Variants in LIFR observed in about 807,000 individuals in gnomAD.
LIFR encodes the protein leukemia inhibitory factor receptor.
In LIFR, 84 loss-of-function variants were observed where a neutral mutation model predicts 122.2. The ratio of observed to expected loss-of-function variants is 0.69; its 90% CI spans 0.58 to 0.82. The LOEUF (loss-of-function observed/expected upper bound fraction) is 0.82. LIFR is among the 40% of genes least tolerant of loss of function. The pLI, the probability that LIFR is intolerant of heterozygous loss-of-function variation, is 0.00. For missense variants in LIFR, 1,294 were observed against 1,311.6 expected (o/e 0.99, Z 0.21); for synonymous variants, 422 against 434.7 (o/e 0.97, Z 0.36).
chr5:38,549,268 C>CACACAA (rs1561199386), intron 1 of LIFR, among the ~76,000 whole-genome samples: 1 of 151,850 alleles, frequency 6.6e-6, no homozygotes, highest in African/African-American at 2.4e-5. Flanking sequence ...CACACACACA[C>CACACAA]ACACACACAC....
chr5:38,493,921 T>G, intron 13 of LIFR, 136 bp from the exon 14 acceptor site: 2 of 727,728 alleles, frequency 2.7e-6, no homozygotes. Flanking sequence ...TAGATAAACC[T>G]AGAGCAAAGA....
intron 1 of LIFR, among the ~76,000 whole-genome samples, chr5:38,531,510 T>C (rs1747006439): frequency 6.6e-6 from 1 of 151,420 alleles, no homozygotes; most frequent in Non-Finnish European, 1.5e-5. Context: ...CCTAAAAAAC[T>C]CTAAATAGTG....
At chr5:38,504,973 G>A (rs964040602) in intron 9 of LIFR, among the ~76,000 whole-genome samples, 9 of 152,272 alleles carry the variant, frequency 5.9e-5, no homozygotes, top group Middle Eastern at 6.8e-3. Flanking sequence ...GGTCTAGGCC[G>A]TTGCTCAGTG....
chr5:38,479,001 A>C lies in LIFR; in HGVS notation c.*2594T>G, dbSNP rs184251886. Reference sequence around the variant, plus strand: ...CAGTATGAGACCACCTTGTAAATGCAGGCATGCAACCTTCATTGACAAACA... The same window carrying C: ...CAGTATGAGACCACCTTGTAAATGCCGGCATGCAACCTTCATTGACAAACA... On this transcript the variant is annotated 3_prime_UTR_variant, in exon 20 of 20. Coordinates refer to ENST00000453190, the MANE Select transcript of LIFR (RefSeq NM_001127671.2). 1.6e-3 allele frequency: 359 copies of C among 231,324 alleles called. 3 individuals carry two copies. The highest frequency in any genetic ancestry group is 7.7e-3 in the African/African-American group (349 of 45,366). 14.3% of individuals were successfully genotyped at this position (231,324 alleles called of 1,614,324 possible).
At chr5:38,485,678 C>G (rs1228263562) in intron 17 of LIFR, 141 bp downstream of exon 17, 9 of 846,304 alleles carry the variant, frequency 1.1e-5, no homozygotes, top group Admixed American at 4.2e-5. Context: ...CTTTTTAACC[C>G]TTCCCTCTAC....
At chr5:38,510,376 C>G in intron 7 of LIFR, 88 bp downstream of exon 7, 5 of 1,154,838 alleles carry the variant, frequency 4.3e-6, no homozygotes, top group Non-Finnish European at 6.3e-6. Flanking sequence ...AATCACTCCT[C>G]CCACCCCCCC....
intron 12 of LIFR, among the ~76,000 whole-genome samples, chr5:38,498,083 G>C (rs1256941774): frequency 6.6e-6 from 1 of 152,046 alleles, no homozygotes; most frequent in Non-Finnish European, 1.5e-5. Context: ...CCAATGTATG[G>C]GGCTCTCTGG....
chr5:38,585,614 A>G (rs1373656337), intron 1 of LIFR, among the ~76,000 whole-genome samples: 1 of 152,162 alleles, frequency 6.6e-6, no homozygotes, highest in African/African-American at 2.4e-5. Context: ...GCAAAACAGG[A>G]TGTGTGTCAA....
intron 1 of LIFR, among the ~76,000 whole-genome samples, chr5:38,539,770 G>A (rs1372313918): frequency 1.3e-5 from 2 of 151,890 alleles, no homozygotes; most frequent in Non-Finnish European, 2.9e-5. Flanking sequence ...TTCTATCTAG[G>A]TAACAAGCTG....
chr5:38,485,321 A>G (rs187552825), intron 17 of LIFR, among the ~76,000 whole-genome samples: 234 of 152,326 alleles, frequency 1.5e-3, no homozygotes, highest in African/African-American at 5.2e-3. Context: ...GGCTCTTTAT[A>G]TAAGAGCTGT....
chr5:38,486,846 G>C (rs1295596402), intron 16 of LIFR, among the ~76,000 whole-genome samples: 1 of 152,146 alleles, frequency 6.6e-6, no homozygotes, highest in African/African-American at 2.4e-5. Context: ...AGAAACATCG[G>C]AACTTTTGAT....
chr5:38,540,414 C>G (rs1747528910), intron 1 of LIFR, among the ~76,000 whole-genome samples: 1 of 152,192 alleles, frequency 6.6e-6, no homozygotes, highest in Non-Finnish European at 1.5e-5. Context: ...CACATTATAA[C>G]AAAGATCAGA....
In LIFR at chr5:38,496,417, G is replaced by C; in HGVS notation, c.1850C>G (p.Pro617Arg). 1 of 1,613,952 alleles carries C rather than the reference G, an allele frequency of 6.2e-7. No individual in the cohort carries two copies. The change falls in exon 13 of 20, where the codon CCA becomes CGA. Residue 617 changes from proline (P) to arginine (R), a missense_variant. Transcript: ENST00000453190. Reference protein sequence around the residue: ...VVAKNSVGSSPPSKIASMEIP... With the variant: ...VVAKNSVGSSRPSKIASMEIP... ...TTCCATACTCGCTATTTTGGAAGGT[G>C]GTGATGAGCCCACAGAATTTTTAGC...
intron 1 of LIFR, among the ~76,000 whole-genome samples, 151 bp downstream of exon 1, chr5:38,556,183 C>T (rs1748524097): frequency 6.6e-6 from 1 of 151,910 alleles, no homozygotes; most frequent in African/African-American, 2.4e-5. Context: ...AGCGGCGGGA[C>T]CCGGAGCGGC....
Position 38,605,828 on chromosome 5 carries a change from C to T in LIFR, n.305+377G>A, listed in dbSNP as rs182674744. Among the ~76,000 whole-genome samples the T allele has an allele frequency of 2.0e-5, 3 of 152,270 alleles. No individual in the cohort carries two copies. The East Asian group carries it at 5.8e-4, about 29-fold the overall frequency. ...CTCTTACCAACCCATGACCTGGAAT[C>T]CCTCTCCTCGCTTGGAGTTGTCCCG... is the stretch of plus-strand genomic sequence containing the variant. On this transcript the variant is annotated intron_variant and non_coding_transcript_variant, in intron 2 of 3. Transcript: ENST00000507786.
At chr5:38,561,357 G>A (rs1748831857), upstream of LIFR, among the ~76,000 whole-genome samples, 1 of 152,124 alleles carries the variant, frequency 6.6e-6, no homozygotes, top group Admixed American at 6.5e-5. Flanking sequence ...GTTTTCCCTA[G>A]CCTTTGAAGT....
chr5:38,555,853 A>G (rs1351206257), intron 1 of LIFR, among the ~76,000 whole-genome samples: 1 of 152,196 alleles, frequency 6.6e-6, no homozygotes, highest in African/African-American at 2.4e-5. Context: ...CATCTTTCAC[A>G]AAGCCTAACT....
exon 2 of LIFR, chr5:38,606,304 G>A (rs1750327720): frequency 6.6e-6 from 1 of 152,190 alleles, no homozygotes; most frequent in Non-Finnish European, 1.5e-5. Flanking sequence ...AACAGGGGCA[G>A]GCCTATCACA....
At chr5:38,584,387 C>A (rs1279615736) in intron 1 of LIFR, among the ~76,000 whole-genome samples, 1 of 152,042 alleles carries the variant, frequency 6.6e-6, no homozygotes, top group Non-Finnish European at 1.5e-5. Flanking sequence ...CATAAAGATA[C>A]CTGCACTCTC....
Sources: allele counts gnomAD v4.1 joint callset (sites outside exome capture counted in the v4.1 genomes callset), GRCh38; gene constraint gnomAD v4.1.1; transcripts MANE v1.5; gene names NCBI Gene and HGNC (gene_info 2026-07-23, HGNC 2026-07-21).